Variants in HIP1 observed in about 807,000 individuals in gnomAD.
HIP1 encodes huntingtin interacting protein 1.
In HIP1, 65 loss-of-function variants were observed where a neutral mutation model predicts 147.6. That is an observed-to-expected ratio of 0.44 (90% CI 0.36 to 0.54). The LOEUF (loss-of-function observed/expected upper bound fraction) is 0.54. HIP1 is among the 20% of genes least tolerant of loss of function. The pLI is 0.00. For synonymous variants in HIP1, 479 were observed against 504.0 expected (o/e 0.95, Z 0.67); for missense variants, 1,061 against 1,299.6 (o/e 0.82, Z 2.82).
intron 1 of HIP1, chr7:75,611,911 C>T (rs1721579894): frequency 2.0e-6 from 2 of 1,000,306 alleles, no homozygotes; most frequent in Non-Finnish European, 2.4e-6. Flanking sequence ...ACTCCCCATC[C>T]TCCGCTCGCC....
chr7:75,664,206 ATG>A (rs1455484749), intron 1 of HIP1, among the ~76,000 whole-genome samples: 4 of 147,676 alleles, frequency 2.7e-5, no homozygotes, highest in Non-Finnish European at 6.0e-5. Flanking sequence ...ACATATACAT[ATG>A]TATATATACA....
chr7:75,648,932 C>T (rs1470692838), intron 1 of HIP1, among the ~76,000 whole-genome samples: 3 of 152,090 alleles, frequency 2.0e-5, no homozygotes, highest in Admixed American at 2.0e-4. Context: ...ATAGTGAGAC[C>T]TGGTCTCACT....
intron 1 of HIP1, among the ~76,000 whole-genome samples, chr7:75,639,675 A>C (rs1424045429): frequency 1.1e-4 from 16 of 150,960 alleles, no homozygotes; most frequent in Admixed American, 9.2e-4. Context: ...GGAAGTGAGC[A>C]GGGGAGGTGG....
chr7:75,615,516 C>T (rs1274440690), intron 1 of HIP1, among the ~76,000 whole-genome samples: 1 of 151,708 alleles, frequency 6.6e-6, no homozygotes, highest in African/African-American at 2.4e-5. Context: ...TGTGCCACTG[C>T]ACTCTATCAT....
At chr7:75,624,151 G>A (rs191288858) in intron 1 of HIP1, among the ~76,000 whole-genome samples, 171 of 152,306 alleles carry the variant, frequency 1.1e-3, no homozygotes, top group African/African-American at 3.8e-3. Flanking sequence ...AAGAGATGGA[G>A]TGAGCGGTGA....
chr7:75,649,215 G>C (rs1798899368), intron 1 of HIP1, among the ~76,000 whole-genome samples: 1 of 152,048 alleles, frequency 6.6e-6, no homozygotes, highest in Non-Finnish European at 1.5e-5. Context: ...GTAGAGACGG[G>C]GTTTCTCCAT....
intron 1 of HIP1, among the ~76,000 whole-genome samples, chr7:75,608,719 A>C (rs782326143): frequency 8.5e-5 from 13 of 152,236 alleles, no homozygotes; most frequent in Non-Finnish European, 1.6e-4. Context: ...AGAACTCCTC[A>C]TTATTAGAAA....
chr7:75,708,312 T>A (rs764738605), intron 1 of HIP1, among the ~76,000 whole-genome samples: 1 of 152,212 alleles, frequency 6.6e-6, no homozygotes, highest in Non-Finnish European at 1.5e-5. Context: ...CCTTTTTTAA[T>A]GTTGATAGTG....
intron 21 of HIP1, 63 bp from the exon 22 acceptor site, chr7:75,553,652 C>G: frequency 6.6e-7 from 1 of 1,526,438 alleles, no homozygotes; most frequent in Middle Eastern, 2.3e-4. Context: ...GTTGCCCAGG[C>G]TGGAGTGCAG....
chr7:75,736,403 T>A (rs1024544162), intron 1 of HIP1, among the ~76,000 whole-genome samples: 1 of 151,822 alleles, frequency 6.6e-6, no homozygotes, highest in Non-Finnish European at 1.5e-5. Flanking sequence ...ATCTATTTAT[T>A]TTCTTATTTC....
chr7:75,579,827 G>A (rs994289607), intron 7 of HIP1, among the ~76,000 whole-genome samples: 1 of 152,174 alleles, frequency 6.6e-6, no homozygotes, highest in Non-Finnish European at 1.5e-5. Flanking sequence ...AAGGCCACGA[G>A]GCTTGGGCAT....
Position 75,559,767 on chromosome 7 carries a change from G to A in HIP1, c.1340C>T (p.Thr447Ile). 1 of 1,606,904 alleles carries A rather than the reference G, an allele frequency of 6.2e-7. No homozygotes were observed. Among genetic ancestry groups the A allele is most frequent in the South Asian group, 1.1e-5 (1 of 90,856 alleles). Reference sequence around the variant, plus strand: ...AGACAGGCTCCGCTGAGCCTTCTCGGTGTCCTCCCGCTGCCTCCTGAGCTC... The same window carrying A: ...AGACAGGCTCCGCTGAGCCTTCTCGATGTCCTCCCGCTGCCTCCTGAGCTC... ...LDELRRQRED[T>I]EKAQRSLSEI... The change falls in exon 14 of 31, where the codon ACC becomes ATC. Residue 447 changes from threonine to isoleucine, a missense_variant. Thr to Ile is a moderately conservative substitution (Grantham distance 89, BLOSUM62 -1). Coordinates refer to ENST00000336926, the MANE Select transcript of HIP1 (RefSeq NM_005338.7).
intron 1 of HIP1, among the ~76,000 whole-genome samples, chr7:75,657,877 CT>C (rs1230554255): frequency 2.0e-5 from 3 of 151,804 alleles, no homozygotes; most frequent in Non-Finnish European, 4.4e-5. Context: ...CATGTACCCC[CT>C]GAATCTAGAA....
chr7:75,550,075 G>A (rs1794726091), intron 22 of HIP1, among the ~76,000 whole-genome samples: 1 of 152,190 alleles, frequency 6.6e-6, no homozygotes, highest in Non-Finnish European at 1.5e-5. Flanking sequence ...CAGATAGGAA[G>A]CCAGGGATCA....
Position 75,562,981 on chromosome 7 carries a change from G to A in HIP1, c.974C>T (p.Pro325Leu). ...PAEASSPDSE[P>L]VLEKDDLMDM... is the part of the protein sequence containing the mutation. The stretch of plus-strand genomic sequence containing the variant: ...CATGAGGTCATCCTTCTCTAGGACT[G>A]GCTCGCTGTCGGGGGATGAGGCCTC... Residue 325 changes from proline (P) to leucine (L), a missense_variant, in exon 11 of 31, where the codon CCA becomes CTA. By Grantham distance (98) the Pro-to-Leu change is moderately conservative. Coordinates refer to ENST00000336926, the MANE Select transcript of HIP1 (RefSeq NM_005338.7). 1 of 1,614,218 alleles carries A rather than the reference G, an allele frequency of 6.2e-7. No individual in the cohort carries two copies. Among genetic ancestry groups the A allele is most frequent in the African/African-American group, 1.3e-5 (1 of 75,060 alleles).
In HIP1 at chr7:75,734,517, G is replaced by T. The variant is rs180969182; in HGVS notation, c.120+4284C>A. Reference sequence around the variant, plus strand: ...GCTGAACTACCCACCTAGGCCCAGGGTTCCCTTGCTGACCCCATTCACCAC... The same window carrying T: ...GCTGAACTACCCACCTAGGCCCAGGTTTCCCTTGCTGACCCCATTCACCAC... On this transcript the variant is annotated intron_variant, in intron 1 of 30. Transcript: ENST00000336926. 2.0e-5 allele frequency among the ~76,000 whole-genome samples: 3 copies of T among 152,230 alleles called. No homozygotes were observed. In the East Asian group the frequency reaches 5.8e-4, roughly 29 times the overall value.
At chr7:75,678,272 A>C (rs888278773) in intron 1 of HIP1, among the ~76,000 whole-genome samples, 2 of 151,936 alleles carry the variant, frequency 1.3e-5, no homozygotes, top group Non-Finnish European at 2.9e-5. Context: ...CCTTGTTGCA[A>C]ATTAGCAAGA....
Position 75,658,321 on chromosome 7 carries a change from C to T in HIP1, c.121-59074G>A, listed in dbSNP as rs1334941570. 2.0e-5 allele frequency among the ~76,000 whole-genome samples: 3 copies of T among 152,216 alleles called. No homozygotes were observed. The East Asian group carries it at 5.8e-4, about 29-fold the overall frequency. ...CAGGCTGGTCTCAAATTCCTGACCT[C>T]AGGTGATACCCCCCAACCTTGGCCT... On this transcript the variant is annotated intron_variant, in intron 1 of 30. Coordinates refer to ENST00000336926, the MANE Select transcript of HIP1 (RefSeq NM_005338.7).
Position 75,535,228 on chromosome 7 carries a change from G to A in HIP1, c.*2944C>T. On this transcript the variant is annotated 3_prime_UTR_variant, in exon 31 of 31. Transcript: ENST00000336926. ...AACATTTCTGTGGCTTCTTTTTAGA[G>A]ACAGGATCATTCAGATAATTTTTTG... 4.7e-6 allele frequency: 1 copy of A among 211,108 alleles called. No individual in the cohort carries two copies. Among genetic ancestry groups the A allele is most frequent in the South Asian group, 1.9e-4 (1 of 5,334 alleles). 13.1% of individuals were successfully genotyped at this position (211,108 alleles called of 1,614,324 possible).
Sources: allele counts gnomAD v4.1 joint callset (sites outside exome capture counted in the v4.1 genomes callset), GRCh38; gene constraint gnomAD v4.1.1; transcripts MANE v1.5; gene names NCBI Gene and HGNC (gene_info 2026-07-23, HGNC 2026-07-21).